LDB2: variants seen among roughly 807,000 people sequenced by gnomAD.
LDB2 encodes the protein LIM domain binding 2, also known as LIM domain-binding protein 2.
Under a neutral mutation model 44.3 loss-of-function variants are expected in LDB2, and 12 were observed. That is an observed-to-expected ratio of 0.27 (90% CI 0.17 to 0.44). LDB2 has a LOEUF of 0.44. Among genes scored for constraint, LDB2 ranks in the 20% least tolerant of loss-of-function variants. The probability of loss-of-function intolerance (pLI) is 1.00; values close to 1 mark genes in which losing one functional copy is unlikely to be tolerated. For synonymous variants in LDB2, 164 were observed against 174.8 expected (o/e 0.94, Z 0.49); for missense variants, 344 against 473.5 (o/e 0.73, Z 2.54).
chr4:16,677,270 C>T (rs1746580655), intron 2 of LDB2, among the ~76,000 whole-genome samples: 1 of 152,174 alleles, frequency 6.6e-6, no homozygotes, highest in African/African-American at 2.4e-5. Flanking sequence ...GCTTCTTTCC[C>T]AAGCTGCCAA....
intron 2 of LDB2, among the ~76,000 whole-genome samples, chr4:16,605,652 C>T (rs1464358407): frequency 1.3e-5 from 2 of 152,144 alleles, no homozygotes; most frequent in African/African-American, 2.4e-5. Context: ...CCATTGTTTT[C>T]ATTTTGTTCA....
chr4:16,770,263 A>G (rs75453906), intron 1 of LDB2, among the ~76,000 whole-genome samples: 2,219 of 152,320 alleles, frequency 0.015, 31 homozygotes, highest in East Asian at 0.038. Context: ...CAGGAAGACA[A>G]CAAATAATTG....
At chr4:16,776,839 C>T (rs796479176) in intron 1 of LDB2, among the ~76,000 whole-genome samples, 3 of 152,160 alleles carry the variant, frequency 2.0e-5, no homozygotes, top group African/African-American at 2.4e-5. Flanking sequence ...CTGCAGGGAA[C>T]GTCTCTTTAG....
chr4:16,656,648 T>C (rs1258168579), intron 2 of LDB2, among the ~76,000 whole-genome samples: 1 of 152,248 alleles, frequency 6.6e-6, no homozygotes, highest in Non-Finnish European at 1.5e-5. Flanking sequence ...TAAGATGTTA[T>C]TGTCATTTGC....
At chr4:16,733,456 G>C (rs934105071) in intron 2 of LDB2, among the ~76,000 whole-genome samples, 75 of 152,232 alleles carry the variant, frequency 4.9e-4, no homozygotes, top group African/African-American at 1.6e-3. Flanking sequence ...TGACCAAAAA[G>C]TGTGCACAAA....
chr4:16,621,139 G>T (rs1469025237), intron 2 of LDB2, among the ~76,000 whole-genome samples: 1 of 152,112 alleles, frequency 6.6e-6, no homozygotes. Context: ...CAGGCCAGGG[G>T]TACCTATATA....
chr4:16,665,602 T>C (rs1297952645), intron 2 of LDB2, among the ~76,000 whole-genome samples: 1 of 152,122 alleles, frequency 6.6e-6, no homozygotes, highest in Non-Finnish European at 1.5e-5. Flanking sequence ...TGAGACCTTG[T>C]TGGTAACTTA....
intron 2 of LDB2, among the ~76,000 whole-genome samples, chr4:16,654,380 A>T (rs1477803516): frequency 6.6e-6 from 1 of 152,186 alleles, no homozygotes; most frequent in African/African-American, 2.4e-5. Context: ...GGGAAAAATG[A>T]TAAAGAGTGT....
intron 2 of LDB2, among the ~76,000 whole-genome samples, chr4:16,641,706 C>G (rs1735211124): frequency 6.6e-6 from 1 of 152,100 alleles, no homozygotes; most frequent in Non-Finnish European, 1.5e-5. Flanking sequence ...AATCACCTCC[C>G]ACAAAGCCCC....
chr4:16,535,011 C>G (rs887047959), intron 5 of LDB2, among the ~76,000 whole-genome samples: 1 of 152,112 alleles, frequency 6.6e-6, no homozygotes, highest in Non-Finnish European at 1.5e-5. Context: ...CAACTCTCCC[C>G]AAAGTGATAC....
At chr4:16,624,163 A>G (rs1729649385) in intron 2 of LDB2, among the ~76,000 whole-genome samples, 1 of 152,250 alleles carries the variant, frequency 6.6e-6, no homozygotes, top group East Asian at 1.9e-4. Flanking sequence ...TAACTATGTG[A>G]GACGAACATT....
At chr4:16,590,253 G>A (rs1718452088) in intron 3 of LDB2, among the ~76,000 whole-genome samples, 1 of 152,040 alleles carries the variant, frequency 6.6e-6, no homozygotes, top group Non-Finnish European at 1.5e-5. Context: ...TTGGGCTTCC[G>A]ATCAAGCTTT....
intron 2 of LDB2, chr4:16,674,268 G>T: frequency 7.8e-7 from 1 of 1,289,078 alleles, no homozygotes; most frequent in South Asian, 1.2e-5. Context: ...ATCTGGTTCC[G>T]AATCCCCGAG....
intron 1 of LDB2, among the ~76,000 whole-genome samples, chr4:16,877,992 G>A (rs911202153): frequency 6.6e-5 from 10 of 151,680 alleles, no homozygotes. Flanking sequence ...CAGAAATAAT[G>A]AGATTCAAAA....
chr4:16,619,796 G>GTTTT (rs386399372), intron 2 of LDB2, among the ~76,000 whole-genome samples: 14 of 135,974 alleles, frequency 1.0e-4, no homozygotes, highest in South Asian at 2.4e-4. Flanking sequence ...GGATATCTCT[G>GTTTT]TTTTTTTTTT....
At chr4:16,729,161 T>C (rs779002803) in intron 2 of LDB2, among the ~76,000 whole-genome samples, 37 of 152,224 alleles carry the variant, frequency 2.4e-4, no homozygotes, top group Non-Finnish European at 4.8e-4. Context: ...CTTAATTGTA[T>C]TGCAGATTAT....
chr4:16,738,029 T>C (rs1762254944), intron 2 of LDB2, among the ~76,000 whole-genome samples: 1 of 152,212 alleles, frequency 6.6e-6, no homozygotes, highest in Non-Finnish European at 1.5e-5. Context: ...TTGAATTTAA[T>C]AGTCATTTAT....
chr4:16,512,550 G>A (rs1722198394), intron 5 of LDB2, among the ~76,000 whole-genome samples: 1 of 152,220 alleles, frequency 6.6e-6, no homozygotes, highest in Admixed American at 6.5e-5. Flanking sequence ...ACCACACGCT[G>A]TGAGTTACAA....
intron 3 of LDB2, 117 bp from the exon 4 acceptor site, chr4:16,588,949 G>A: frequency 2.9e-6 from 3 of 1,044,410 alleles, no homozygotes; most frequent in Non-Finnish European, 4.3e-6. Context: ...GCTAGCTCTT[G>A]GTAAAGATGT....
Sources: allele counts gnomAD v4.1 joint callset (sites outside exome capture counted in the v4.1 genomes callset), GRCh38; gene constraint gnomAD v4.1.1; transcripts MANE v1.5; gene names NCBI Gene and HGNC (gene_info 2026-07-23, HGNC 2026-07-21).